Variants in DPF3 observed in about 807,000 individuals in gnomAD.
The protein encoded by DPF3 is zinc finger protein DPF3.
In DPF3, 18 loss-of-function variants were observed where a neutral mutation model predicts 56.8. The observed-to-expected ratio is 0.32, with a 90% confidence interval of 0.22 to 0.47. DPF3 has a LOEUF of 0.47. Ranked by LOEUF, DPF3 falls within the 20% of genes least tolerant of loss-of-function variation. The pLI is 1.00. For synonymous variants in DPF3, 188 were observed against 180.2 expected (o/e 1.04, Z -0.35); for missense variants, 403 against 488.8 (o/e 0.82, Z 1.65).
intron 5 of DPF3, among the ~76,000 whole-genome samples, chr14:72,723,040 A>AT (rs893261503): frequency 9.4e-5 from 12 of 128,222 alleles, no homozygotes; most frequent in African/African-American, 2.6e-4. Flanking sequence ...TGGTTTATTT[A>AT]TTTTTTTTAT....
At chr14:72,772,802 C>T (rs1160750160) in intron 1 of DPF3, among the ~76,000 whole-genome samples, 1 of 152,110 alleles carries the variant, frequency 6.6e-6, no homozygotes, top group Non-Finnish European at 1.5e-5. Flanking sequence ...AAAACATAGG[C>T]ACAGGTTAAT....
At chr14:72,756,402 T>C (rs17120302) in intron 2 of DPF3, among the ~76,000 whole-genome samples, 10,887 of 152,202 alleles carry the variant, frequency 0.072, 587 homozygotes, top group South Asian at 0.17. Flanking sequence ...TCCAGACAAA[T>C]ACAGCTGGTT....
intron 8 of DPF3, among the ~76,000 whole-genome samples, chr14:72,630,691 G>C (rs1004366311): frequency 6.6e-5 from 10 of 152,176 alleles, no homozygotes; most frequent in Admixed American, 6.5e-4. Flanking sequence ...CCAGTACTGT[G>C]AAACAGATCA....
chr14:72,642,858 A>C (rs1471993648), intron 8 of DPF3, among the ~76,000 whole-genome samples: 2 of 152,246 alleles, frequency 1.3e-5, no homozygotes, highest in African/African-American at 4.8e-5. Context: ...GCAGAGGAAG[A>C]ACCTGCAGCT....
intron 1 of DPF3, among the ~76,000 whole-genome samples, chr14:72,774,146 C>T (rs530775210): frequency 3.3e-5 from 5 of 151,340 alleles, no homozygotes; most frequent in African/African-American, 4.8e-5. Flanking sequence ...TTAGCTGGGC[C>T]TGGTGGCAGA....
intron 1 of DPF3, among the ~76,000 whole-genome samples, chr14:72,876,539 C>A (rs555286413): frequency 6.6e-6 from 1 of 152,202 alleles, no homozygotes. Context: ...ACGGACACCC[C>A]CCACCTACTC....
chr14:72,842,356 T>G (rs11158982), intron 1 of DPF3, among the ~76,000 whole-genome samples: 88,752 of 151,950 alleles, frequency 0.58, 26,760 homozygotes, highest in East Asian at 0.89. Context: ...AATGGGAAAA[T>G]AAATCATGGT....
intron 6 of DPF3, among the ~76,000 whole-genome samples, chr14:72,706,250 T>C (rs1383361732): frequency 3.3e-5 from 5 of 152,190 alleles, no homozygotes; most frequent in African/African-American, 1.2e-4. Flanking sequence ...ATTCCATCCA[T>C]GCGCCCTAAG....
intron 6 of DPF3, among the ~76,000 whole-genome samples, chr14:72,704,492 T>C (rs1888322990): frequency 6.6e-6 from 1 of 152,136 alleles, no homozygotes; most frequent in Non-Finnish European, 1.5e-5. Flanking sequence ...AGGTTTTATT[T>C]GTGAGTTCCA....
intron 8 of DPF3, among the ~76,000 whole-genome samples, chr14:72,640,586 G>A (rs1219352983): frequency 6.6e-6 from 1 of 152,184 alleles, no homozygotes. Context: ...AGGTAGAATT[G>A]GTCAATAGGA....
chr14:72,873,077 C>T (rs1885965335), intron 1 of DPF3, among the ~76,000 whole-genome samples: 1 of 152,130 alleles, frequency 6.6e-6, no homozygotes, highest in African/African-American at 2.4e-5. Context: ...CAAATGGGAT[C>T]TAAATAAACT....
At chr14:72,721,895 C>G (rs1889189334) in intron 5 of DPF3, among the ~76,000 whole-genome samples, 1 of 152,092 alleles carries the variant, frequency 6.6e-6, no homozygotes, top group African/African-American at 2.4e-5. Flanking sequence ...AGACAAACAA[C>G]CCAAATTCTT....
At chr14:72,697,881 G>A (rs1341443393) in intron 6 of DPF3, among the ~76,000 whole-genome samples, 2 of 152,114 alleles carry the variant, frequency 1.3e-5, no homozygotes, top group Admixed American at 1.3e-4. Context: ...GGCCAGGCCT[G>A]ACCCAGCCCC....
At chr14:72,780,526 A>C (rs1891928170) in intron 1 of DPF3, among the ~76,000 whole-genome samples, 1 of 152,238 alleles carries the variant, frequency 6.6e-6, no homozygotes, top group East Asian at 1.9e-4. Flanking sequence ...AAAGCTTCAC[A>C]GTTGAGAGGT....
intron 3 of DPF3, among the ~76,000 whole-genome samples, chr14:72,732,534 C>T (rs1889703294): frequency 6.6e-6 from 1 of 152,204 alleles, no homozygotes; most frequent in African/African-American, 2.4e-5. Context: ...GAAGTGAGAG[C>T]TTCAAAAGCC....
At chr14:72,751,592 G>A (rs1416913748) in intron 3 of DPF3, among the ~76,000 whole-genome samples, 3 of 152,198 alleles carry the variant, frequency 2.0e-5, no homozygotes, top group Non-Finnish European at 2.9e-5. Context: ...TGCTTGAAAT[G>A]TGGCTAGTCC....
At chr14:72,637,984 C>T (rs942264087) in intron 8 of DPF3, among the ~76,000 whole-genome samples, 10 of 152,080 alleles carry the variant, frequency 6.6e-5, no homozygotes, top group Non-Finnish European at 1.0e-4. Context: ...TACCACCCAC[C>T]GCCATGCAAT....
At chr14:72,884,324 A>G (rs1886433281) in intron 1 of DPF3, among the ~76,000 whole-genome samples, 1 of 152,306 alleles carries the variant, frequency 6.6e-6, no homozygotes, top group South Asian at 2.1e-4. Context: ...CCTGAGAAAC[A>G]ATGATTAGAT....
intron 3 of DPF3, among the ~76,000 whole-genome samples, chr14:72,746,604 A>C (rs1347037276): frequency 2.0e-5 from 3 of 152,244 alleles, no homozygotes; most frequent in African/African-American, 7.2e-5. Flanking sequence ...GCTTCTCAGC[A>C]TCTGGGGGCT....
Sources: gnomAD v4.1 joint callset for allele counts (sites outside exome capture counted in the v4.1 genomes callset) on GRCh38, gnomAD v4.1.1 for gene constraint, MANE v1.5 for transcripts, NCBI Gene and HGNC (gene_info 2026-07-23, HGNC 2026-07-21) for gene names.